The following RELN variants were observed in gnomAD, a reference collection of about 807,000 sequenced individuals.
RELN encodes the protein reelin.
RELN carries 108 observed loss-of-function variants against 427.6 expected under a neutral mutation model. The observed-to-expected ratio is 0.25, with a 90% confidence interval of 0.22 to 0.30. The LOEUF is 0.30. Ranked by LOEUF, RELN falls within the 10% of genes least tolerant of loss-of-function variation. The probability of loss-of-function intolerance (pLI) is 1.00; values close to 1 mark genes in which losing one functional copy is unlikely to be tolerated. For missense variants in RELN, 3,715 were observed against 4,302.8 expected, an observed-to-expected ratio of 0.86 and a Z score of 3.82; for synonymous variants, 1,524 against 1,513.4, an observed-to-expected ratio of 1.01 and a Z score of -0.16.
intron 8 of RELN, among the ~76,000 whole-genome samples, chr7:103,713,108 A>C (rs1420811037): frequency 3.3e-5 from 5 of 152,166 alleles, no homozygotes; most frequent in African/African-American, 1.2e-4. Context: ...AGATGGGGAA[A>C]ATCACTGCCA....
At chr7:103,602,364 A>G (rs998096089) in intron 24 of RELN, among the ~76,000 whole-genome samples, 1 of 152,220 alleles carries the variant, frequency 6.6e-6, no homozygotes. Context: ...TCATTCTACT[A>G]TAAAGACACA....
chr7:103,610,738 T>C lies in RELN; in HGVS notation c.2965A>G (p.Thr989Ala), dbSNP rs756172077. The C allele has an allele frequency of 6.2e-7, 1 of 1,611,122 alleles. No individual in the cohort carries two copies. Among genetic ancestry groups the C allele is most frequent in the Non-Finnish European group, 8.5e-7 (1 of 1,177,456 alleles). ...AGCACTATGACTCTCCTCCACTGTGTAAACTCACTGGCATGGTAAATACTT... is the reference window on the plus strand; with the variant it reads ...AGCACTATGACTCTCCTCCACTGTGCAAACTCACTGGCATGGTAAATACTT... ...SASIYHASEF[T>A]QWRRVIVLLP... is the part of the protein sequence containing the mutation. Residue 989 changes from threonine to alanine, a missense_variant, in exon 22 of 65, where the codon ACA (threonine) becomes GCA (alanine). Physicochemically the swap from Thr to Ala is moderately conservative, Grantham distance 58. This residue lies in a region of RELN where 2,208 missense variants were observed against 2,361.7 expected (regional missense o/e 0.93). Transcript: ENST00000428762.
intron 60 of RELN, among the ~76,000 whole-genome samples, chr7:103,486,789 C>A (rs1304619536): frequency 2.5e-4 from 38 of 152,296 alleles, no homozygotes; most frequent in Non-Finnish European, 8.8e-5. Flanking sequence ...GAAATAGGAA[C>A]ACTTTTACAC....
chr7:103,709,965 T>C (rs1161446382), intron 8 of RELN, among the ~76,000 whole-genome samples: 5 of 152,164 alleles, frequency 3.3e-5, no homozygotes. Context: ...AAAGGGAAAG[T>C]TGAGGCAACT....
intron 21 of RELN, among the ~76,000 whole-genome samples, chr7:103,611,242 C>T (rs979042055): frequency 6.6e-6 from 1 of 152,036 alleles, no homozygotes; most frequent in Admixed American, 6.6e-5. Flanking sequence ...ACAAGAAATA[C>T]CACATTCTTA....
At chr7:103,928,392 C>T (rs923908399) in intron 1 of RELN, among the ~76,000 whole-genome samples, 1 of 152,188 alleles carries the variant, frequency 6.6e-6, no homozygotes, top group Non-Finnish European at 1.5e-5. Context: ...AAAATTCAGA[C>T]TCCCAGTTCC....
At chr7:103,491,657 C>G (rs1337268507) in intron 58 of RELN, among the ~76,000 whole-genome samples, 1 of 151,914 alleles carries the variant, frequency 6.6e-6, no homozygotes, top group East Asian at 1.9e-4. Context: ...TGGAGAAACC[C>G]CGTCTCTACT....
At chr7:103,954,151 T>C (rs1751522506) in intron 1 of RELN, among the ~76,000 whole-genome samples, 1 of 151,958 alleles carries the variant, frequency 6.6e-6, no homozygotes, top group Admixed American at 6.5e-5. Flanking sequence ...TCCCAGCTAC[T>C]CAAGAGGCTG....
chr7:103,566,189 C>T (rs1830746387), intron 33 of RELN, 35 bp downstream of exon 33: 2 of 1,538,006 alleles, frequency 1.3e-6, no homozygotes, highest in Admixed American at 1.7e-5. Flanking sequence ...TCTAGTTAAT[C>T]AGATATTTTC....
chr7:103,818,038 C>A (rs576659893), intron 3 of RELN, among the ~76,000 whole-genome samples: 1 of 150,358 alleles, frequency 6.7e-6, no homozygotes, highest in South Asian at 2.1e-4. Context: ...TATGCAGGCA[C>A]AATCACCTAT....
chr7:103,856,692 A>G (rs371299261), intron 2 of RELN, among the ~76,000 whole-genome samples: 1 of 152,120 alleles, frequency 6.6e-6, no homozygotes, highest in African/African-American at 2.4e-5. Flanking sequence ...GGCTTTTTCA[A>G]TTAAGCATGT....
At chr7:103,489,150 C>T (rs184390159) in intron 60 of RELN, among the ~76,000 whole-genome samples, 1 of 152,042 alleles carries the variant, frequency 6.6e-6, no homozygotes, top group East Asian at 1.9e-4. Context: ...TGGATATATA[C>T]TCAACCTCTA....
chr7:103,966,651 C>T (rs1796666712), intron 1 of RELN, among the ~76,000 whole-genome samples: 1 of 152,162 alleles, frequency 6.6e-6, no homozygotes, highest in Non-Finnish European at 1.5e-5. Context: ...TCAGATTAGA[C>T]ATAAATGTAC....
chr7:103,897,116 C>T (rs1041224945), intron 2 of RELN, among the ~76,000 whole-genome samples: 2 of 152,070 alleles, frequency 1.3e-5, no homozygotes, highest in African/African-American at 2.4e-5. Flanking sequence ...AAAAACCCAT[C>T]CCCATGATTA....
intron 2 of RELN, among the ~76,000 whole-genome samples, chr7:103,877,221 T>C (rs967660369): frequency 5.9e-5 from 9 of 152,172 alleles, no homozygotes; most frequent in African/African-American, 1.9e-4. Flanking sequence ...TTACTTGTCA[T>C]CTATGGAAAA....
chr7:103,792,331 AGAT>A (rs1447375744), intron 3 of RELN, among the ~76,000 whole-genome samples: 1 of 152,220 alleles, frequency 6.6e-6, no homozygotes, highest in African/African-American at 2.4e-5. Context: ...GTCTGTCCAC[AGAT>A]GATTGGCTAA....
At chr7:103,582,182 G>C (rs1444825975) in intron 28 of RELN, among the ~76,000 whole-genome samples, 1 of 152,214 alleles carries the variant, frequency 6.6e-6, no homozygotes, top group Non-Finnish European at 1.5e-5. Context: ...TGGAAGTCAG[G>C]TGTTCAGGAT....
intron 7 of RELN, among the ~76,000 whole-genome samples, chr7:103,727,860 A>G (rs1040882826): frequency 5.3e-5 from 8 of 152,194 alleles, no homozygotes; most frequent in African/African-American, 1.9e-4. Context: ...TTAAAAAGCC[A>G]TCTAATCATA....
chr7:103,840,376 A>C (rs1793523919), intron 2 of RELN, among the ~76,000 whole-genome samples: 1 of 152,260 alleles, frequency 6.6e-6, no homozygotes, highest in South Asian at 2.1e-4. Flanking sequence ...GCAGTAGAGC[A>C]TAATCCAGAG....
Sources: allele counts gnomAD v4.1 joint callset (sites outside exome capture counted in the v4.1 genomes callset), GRCh38; gene constraint gnomAD v4.1.1; regional missense constraint gnomAD v4.1.1; transcripts MANE v1.5; gene names NCBI Gene and HGNC (gene_info 2026-07-23, HGNC 2026-07-21).